TTC21B: variants seen among roughly 807,000 people sequenced by gnomAD.
TTC21B encodes tetratricopeptide repeat protein 21B.
TTC21B carries 127 observed loss-of-function variants against 175.1 expected under a neutral mutation model. The ratio of observed to expected loss-of-function variants is 0.73; its 90% confidence interval spans 0.63 to 0.84. The LOEUF (loss-of-function observed/expected upper bound fraction) is 0.84, where lower values mean the gene tolerates loss of function less well. TTC21B is among the 40% of genes least tolerant of loss of function. TTC21B has a pLI of 0.00. For synonymous variants in TTC21B, 524 were observed against 524.5 expected (o/e 1.00, Z 0.01); for missense variants, 1,561 against 1,558.3 (o/e 1.00, Z -0.03).
Position 165,912,540 on chromosome 2 carries a change from G to A in TTC21B, c.2296C>T (p.Leu766Phe). The A allele has an allele frequency of 6.2e-7, 1 of 1,614,016 alleles. No individual in the cohort carries two copies. ...GTLASKMGKA[L>F]IKTHNYSMAI... ...ATTGAGTAGTTATGAGTTTTGATAA[G>A]TGCTTTGCCCATTTTGCTTGCCAAT... Residue 766 changes from leucine (L) to phenylalanine (F), a missense_variant, in exon 17 of 29, where the codon CTT becomes TTT. By Grantham distance (22) the Leu-to-Phe change is conservative. Transcript: ENST00000243344.
At position 165,907,713 on chromosome 2, in the gene TTC21B, C is replaced by T; in HGVS notation, c.2533G>A (p.Glu845Lys). 1.2e-6 allele frequency: 2 copies of T among 1,613,066 alleles called. No homozygotes were observed. Among genetic ancestry groups the T allele is most frequent in the Non-Finnish European group, 1.7e-6 (2 of 1,179,602 alleles). Residue 845 changes from glutamate (E) to lysine (K), a missense_variant, in exon 19 of 29, where the codon GAA (glutamate) becomes AAA (lysine). Physicochemically the swap from Glu to Lys is moderately conservative, Grantham distance 56 (BLOSUM62 1). Coordinates refer to ENST00000243344, the MANE Select transcript of TTC21B (RefSeq NM_024753.5). ...GCAGTGATCGCATCACCAAGTTTTT[C>T]CATTTTACTATAAACTTTTGCTAGA... ...VLLAKVYSKM[E>K]KLGDAITALQ...
In TTC21B at chr2:165,923,743, G is replaced by GTTTT. The variant is rs1190876494; in HGVS notation, c.1516+802_1516+805dup. On this transcript the variant is annotated intron_variant, in intron 12 of 28. Transcript: ENST00000243344. ...AGGCATGAGCCACCACGCCCAGCTG[G>GTTTT]TTTTTTTTTTTTTTTTTTTTTAATG... Among the ~76,000 whole-genome samples, 706 of 107,264 alleles carry GTTTT rather than the reference G, an allele frequency of 6.6e-3. 18 individuals carry two copies. Among genetic ancestry groups the GTTTT allele is most frequent in the Non-Finnish European group, 9.0e-3 (492 of 54,898 alleles). The allele number at this position is 107,264 out of a possible 152,430, so 70.4% of individuals were successfully genotyped here.
intron 24 of TTC21B, among the ~76,000 whole-genome samples, 169 bp downstream of exon 24, chr2:165,890,310 T>G (rs1014834498): frequency 2.0e-5 from 3 of 152,196 alleles, no homozygotes; most frequent in Non-Finnish European, 4.4e-5. Flanking sequence ...ACTATTCAAT[T>G]TGCTAAAATA....
chr2:165,894,486 G>GT, intron 22 of TTC21B, among the ~76,000 whole-genome samples: 1 of 152,294 alleles, frequency 6.6e-6, no homozygotes, highest in South Asian at 2.1e-4. Context: ...GGATAAGTAT[G>GT]TAAGGTACTA....
chr2:165,886,295 T>C (rs950010977), intron 25 of TTC21B, among the ~76,000 whole-genome samples: 1 of 152,214 alleles, frequency 6.6e-6, no homozygotes, highest in Non-Finnish European at 1.5e-5. Flanking sequence ...GCATTTTTAT[T>C]TGCAATTCTA....
chr2:165,940,931 A>G lies in TTC21B; in HGVS notation c.710+96T>C. 4 of 1,409,298 alleles carry G rather than the reference A, an allele frequency of 2.8e-6. No individual in the cohort carries two copies. In the South Asian group the frequency reaches 4.8e-5, roughly 17 times the overall value. The allele number at this position is 1,409,298 out of a possible 1,614,324, so 87.3% of individuals were successfully genotyped here. On this transcript the variant is annotated intron_variant, in intron 6 of 28. Transcript: ENST00000243344. ...TTCCACACTGTTTGAAAAAAATCAA[A>G]TTTAAAAACCCTTATGAAAAAAATT...
intron 19 of TTC21B, among the ~76,000 whole-genome samples, chr2:165,906,972 A>G (rs1482089479): frequency 1.3e-4 from 20 of 151,076 alleles, no homozygotes; most frequent in African/African-American, 1.7e-4. Context: ...AAAAAAAAAA[A>G]AAAAAGAAAA....
chr2:165,926,729 G>A (rs1189407414), intron 11 of TTC21B, among the ~76,000 whole-genome samples: 1 of 151,878 alleles, frequency 6.6e-6, no homozygotes, highest in Admixed American at 6.6e-5. Flanking sequence ...TGTCTAATCA[G>A]CTGCCAGCAT....
At chr2:165,920,736 G>A (rs1355774863) in intron 12 of TTC21B, among the ~76,000 whole-genome samples, 5 of 59,674 alleles carry the variant, frequency 8.4e-5, no homozygotes, top group Admixed American at 8.2e-4. Context: ...GGATATGTAG[G>A]GTAGGATACT....
chr2:165,878,091 T>A (rs753697419), intron 27 of TTC21B, among the ~76,000 whole-genome samples: 2 of 152,160 alleles, frequency 1.3e-5, no homozygotes, highest in Non-Finnish European at 2.9e-5. Context: ...CCTCTAACTC[T>A]TAGTATAATT....
chr2:165,882,137 TG>T (rs1229185671), intron 26 of TTC21B, among the ~76,000 whole-genome samples: 2 of 152,160 alleles, frequency 1.3e-5, no homozygotes, highest in African/African-American at 4.8e-5. Flanking sequence ...AGGCACAGAA[TG>T]TCTGATTCTC....
intron 1 of TTC21B, among the ~76,000 whole-genome samples, chr2:165,951,284 A>G (rs554432045): frequency 9.8e-5 from 15 of 152,340 alleles, no homozygotes; most frequent in African/African-American, 3.4e-4. Context: ...TTTAAAGGCA[A>G]AAAGAATCTC....
chr2:165,934,181 T>A (rs1274659442), intron 6 of TTC21B: 1 of 152,136 alleles, frequency 6.6e-6, no homozygotes, highest in African/African-American at 2.4e-5. Flanking sequence ...AAAGAAAATT[T>A]TTTTTCCCCA....
intron 22 of TTC21B, among the ~76,000 whole-genome samples, chr2:165,892,728 C>G (rs893809798): frequency 6.6e-6 from 1 of 151,982 alleles, no homozygotes; most frequent in South Asian, 2.1e-4. Context: ...GAATGAGGAA[C>G]GAGGAACTGG....
chr2:165,926,908 C>T (rs1387656352), intron 11 of TTC21B, among the ~76,000 whole-genome samples: 1 of 148,060 alleles, frequency 6.8e-6, no homozygotes, highest in Non-Finnish European at 1.5e-5. Flanking sequence ...TACAGACAGC[C>T]TATTGTGGGA....
intron 11 of TTC21B, chr2:165,928,795 T>G (rs1686773866): frequency 4.1e-6 from 1 of 245,664 alleles, no homozygotes; most frequent in Middle Eastern, 1.6e-3. Flanking sequence ...AGAACTTCAT[T>G]TTAGTGTGTC....
chr2:165,940,894 G>GT, intron 6 of TTC21B, 133 bp downstream of exon 6: 2 of 865,656 alleles, frequency 2.3e-6, no homozygotes, highest in Non-Finnish European at 3.6e-6. Context: ...ATGATTTTAA[G>GT]TATTTCCTCG....
chr2:165,925,127 C>A (rs537312828), intron 11 of TTC21B, among the ~76,000 whole-genome samples: 18 of 152,236 alleles, frequency 1.2e-4, no homozygotes, highest in Admixed American at 1.1e-3. Context: ...GTATTGTAAA[C>A]CAGTTTTTTA....
intron 25 of TTC21B, among the ~76,000 whole-genome samples, chr2:165,884,371 T>A (rs1028485114): frequency 2.6e-5 from 4 of 152,166 alleles, no homozygotes; most frequent in African/African-American, 9.7e-5. Flanking sequence ...TTCAGTAAAA[T>A]CCTTATTGAG....
Sources: allele counts gnomAD v4.1 joint callset (sites outside exome capture counted in the v4.1 genomes callset), GRCh38; gene constraint gnomAD v4.1.1; transcripts MANE v1.5; gene names NCBI Gene and HGNC (gene_info 2026-07-23, HGNC 2026-07-21).